MLH3: variants seen among roughly 807,000 people sequenced by gnomAD.
MLH3 encodes mutL homolog 3.
MLH3 carries 82 observed loss-of-function variants against 122.2 expected under a neutral mutation model. The observed-to-expected ratio is 0.67, with a 90% confidence interval of 0.56 to 0.81. The LOEUF is 0.81. Ranked by LOEUF, MLH3 falls within the 30% of genes least tolerant of loss-of-function variation. MLH3 has a pLI of 0.00. For synonymous variants in MLH3, 524 were observed against 599.5 expected (o/e 0.87, Z 1.84); for missense variants, 1,539 against 1,714.5 (o/e 0.90, Z 1.81).
Position 75,046,976 on chromosome 14 carries a change from T to A in MLH3, c.2680A>T (p.Ser894Cys), listed in dbSNP as rs141067131. The change falls in exon 2 of 13, where the codon AGT becomes TGT. Residue 894 changes from serine to cysteine, a missense_variant. Transcript: ENST00000355774. Reference sequence around the variant, plus strand: ...GAATTTGGAAGTTCATTAAAACGACTCATCATCCCCATTGTTTGAGTTTCT... The same window carrying A: ...GAATTTGGAAGTTCATTAAAACGACACATCATCCCCATTGTTTGAGTTTCT... ...ERETQTMGMM[S>C]RFNELPNSDS... The A allele has an allele frequency of 1.9e-6, 3 of 1,614,082 alleles. No homozygotes were observed. The highest frequency in any genetic ancestry group is 2.5e-6 in the Non-Finnish European group (3 of 1,180,038).
chr14:75,036,447 G>C (rs1891417780), intron 6 of MLH3: 19 of 325,890 alleles, frequency 5.8e-5, no homozygotes, highest in South Asian at 4.5e-4. Flanking sequence ...CCGGGTTAAA[G>C]CAATTCTCTG....
chr14:75,034,862 A>C (rs2139424716), intron 6 of MLH3, among the ~76,000 whole-genome samples: 1 of 151,960 alleles, frequency 6.6e-6, no homozygotes, highest in Non-Finnish European at 1.5e-5. Context: ...TCAGGAATTC[A>C]AGATCAGCTG....
At chr14:75,018,290 A>C (rs1196534836) in intron 12 of MLH3, among the ~76,000 whole-genome samples, 1 of 152,164 alleles carries the variant, frequency 6.6e-6, no homozygotes, top group African/African-American at 2.4e-5. Flanking sequence ...CATTATCCAC[A>C]TTGTAGTTTG....
chr14:75,026,694 G>C (rs1216319051), intron 9 of MLH3, among the ~76,000 whole-genome samples: 1 of 152,190 alleles, frequency 6.6e-6, no homozygotes, highest in Non-Finnish European at 1.5e-5. Context: ...ATACATCATA[G>C]GGAAATTGCA....
chr14:75,049,186 A>G lies in MLH3; in HGVS notation c.470T>C (p.Val157Ala), dbSNP rs1892490042. ...TCTAGGGTCCATGCATTTCCTCCTT[A>G]CAGGAAGCTGGTAAAATAGGTTATA... ...TVYNLFYQLP[V>A]RRKCMDPRLE... Residue 157 changes from valine (V) to alanine (A), a missense_variant, in exon 2 of 13, where the codon GTA (valine) becomes GCA (alanine). Physicochemically the swap from Val to Ala is moderately conservative, Grantham distance 64. Coordinates refer to ENST00000355774, the MANE Select transcript of MLH3 (RefSeq NM_001040108.2). 1.2e-6 allele frequency: 2 copies of G among 1,614,198 alleles called. No individual in the cohort carries two copies. The highest frequency in any genetic ancestry group is 3.3e-4 in the Middle Eastern group (2 of 6,062).
Position 75,048,615 on chromosome 14 carries a change from A to G in MLH3, c.1041T>C (p.Phe347=), listed in dbSNP as rs900233021. The G allele has an allele frequency of 1.2e-6, 2 of 1,614,060 alleles. No individual in the cohort carries two copies. The highest frequency in any genetic ancestry group is 4.5e-5 in the East Asian group (2 of 44,890). The change falls in exon 2 of 13, where the codon TTT becomes TTC. Residue 347 remains phenylalanine (F), a synonymous_variant. Transcript: ENST00000355774. The part of the protein sequence containing the change: ...LFCIQEGVKM[F]LKQEKLFVEL... ...CCACAAATAATTTTTCTTGCTTTAAAAACATTTTCACTCCTTCCTGAATGC... is the reference window on the plus strand; with the variant it reads ...CCACAAATAATTTTTCTTGCTTTAAGAACATTTTCACTCCTTCCTGAATGC...
At chr14:75,041,574 G>T in intron 4 of MLH3, 41 bp downstream of exon 4, 3 of 1,459,032 alleles carry the variant, frequency 2.1e-6, no homozygotes, top group South Asian at 1.1e-5. Context: ...AGAAGAAGAA[G>T]AAGAAAAAAA....
At chr14:75,034,044 T>G (rs1315771599) in intron 6 of MLH3, among the ~76,000 whole-genome samples, 1 of 151,860 alleles carries the variant, frequency 6.6e-6, no homozygotes, top group Admixed American at 6.6e-5. Flanking sequence ...AATACAAAAA[T>G]TAGCTGGGTG....
rs148409389 is a variant in MLH3 at position 75,049,507 on chromosome 14, A to C, written c.149T>G (p.Phe50Cys). The C allele has an allele frequency of 1.2e-5, 20 of 1,614,056 alleles. No homozygotes were observed. The highest frequency in any genetic ancestry group is 2.5e-6 in the Non-Finnish European group (3 of 1,180,026). The change falls in exon 2 of 13, where the codon TTC (phenylalanine) becomes TGC (cysteine). Residue 50 changes from phenylalanine to cysteine, a missense_variant. Phe to Cys is a radical substitution (Grantham distance 205, BLOSUM62 -2). Transcript: ENST00000355774. ...TCCATTGTCTATCACTTGAACTTGG[A>C]AGGTTTCCATATTCACCCTGACAGC... is the stretch of plus-strand genomic sequence containing the variant. ...CVAVRVNMET[F>C]QVQVIDNGFG...
At chr14:75,033,352 A>G (rs1461941551) in intron 7 of MLH3, 67 bp downstream of exon 7, 7 of 1,244,648 alleles carry the variant, frequency 5.6e-6, no homozygotes, top group Non-Finnish European at 8.3e-6. Flanking sequence ...CAGTTAGAAA[A>G]GCTCTTTGAG....
At position 75,046,373 on chromosome 14, in the gene MLH3, T is replaced by C; in HGVS notation, c.3280+3A>G. The C allele has an allele frequency of 6.2e-7, 1 of 1,614,156 alleles. No homozygotes were observed. Among genetic ancestry groups the C allele is most frequent in the Non-Finnish European group, 8.5e-7 (1 of 1,179,988 alleles). ...CTCATGCACATGAATACTACGTACT[T>C]ACCATTCTCAAGTACAACATCCACA... On this transcript the variant is annotated splice_donor_region_variant and intron_variant, in intron 2 of 12. Coordinates refer to ENST00000355774, the MANE Select transcript of MLH3 (RefSeq NM_001040108.2).
In MLH3 at chr14:75,014,871, C is replaced by G. The variant is rs1309023073; in HGVS notation, c.*2211G>C. The stretch of plus-strand genomic sequence containing the variant: ...CTGTGCAGTTTGAAGTCACTCAGAC[C>G]TGGGTCTGAATTCTGGCTCTTACAG... On this transcript the variant is annotated 3_prime_UTR_variant, in exon 13 of 13. Coordinates refer to ENST00000355774, the MANE Select transcript of MLH3 (RefSeq NM_001040108.2). 1 of 180,240 alleles carries G rather than the reference C, an allele frequency of 5.5e-6. No homozygotes were observed. The highest frequency in any genetic ancestry group is 2.4e-5 in the African/African-American group (1 of 42,380). 11.2% of individuals were successfully genotyped at this position (180,240 alleles called of 1,614,324 possible). A position where few individuals can be genotyped will look rare whatever the true frequency, so the allele number is the denominator to read the frequency against.
At position 75,047,825 on chromosome 14, in the gene MLH3, G is replaced by A. The variant is rs756485038; in HGVS notation, c.1831C>T (p.His611Tyr). ...TTAGTTTTTTCATTTTGTACTACAT[G>A]AGTTATAAAGCCAGTGGAACATAAT... Reference protein sequence around the residue: ...VKLCSTGFITHVVQNEKTKST... With the variant: ...VKLCSTGFITYVVQNEKTKST... Residue 611 changes from histidine (H) to tyrosine (Y), a missense_variant, in exon 2 of 13, where the codon CAT becomes TAT. Transcript: ENST00000355774. The A allele has an allele frequency of 1.2e-6, 2 of 1,613,614 alleles. No homozygotes were observed. Among genetic ancestry groups the A allele is most frequent in the Non-Finnish European group, 1.7e-6 (2 of 1,179,884 alleles).
chr14:75,042,787 T>TG (rs1160758409), intron 2 of MLH3, among the ~76,000 whole-genome samples: 2 of 152,072 alleles, frequency 1.3e-5, no homozygotes, highest in Admixed American at 1.3e-4. Context: ...CCCTTTTTTT[T>TG]TTTTTTGAGA....
Position 75,016,994 on chromosome 14 carries a change from G to A in MLH3, c.*88C>T. ...AGGGACACTGGGCTGATTCAGTCAG[G>A]GCCGTGCTGGTACCTGCTGCTGCTG... On this transcript the variant is annotated 3_prime_UTR_variant, in exon 13 of 13. Transcript: ENST00000355774. 1 of 1,517,098 alleles carries A rather than the reference G, an allele frequency of 6.6e-7. No homozygotes were observed. Among genetic ancestry groups the A allele is most frequent in the South Asian group, 1.1e-5 (1 of 88,534 alleles). The allele number at this position is 1,517,098 out of a possible 1,614,324, so 94.0% of individuals were successfully genotyped here.
intron 6 of MLH3, among the ~76,000 whole-genome samples, chr14:75,035,064 A>G (rs4480730): frequency 2.6e-3 from 377 of 143,796 alleles, no homozygotes; most frequent in African/African-American, 9.9e-3. Flanking sequence ...CTCCATCTCA[A>G]AAAAAAAAAA....
intron 11 of MLH3, among the ~76,000 whole-genome samples, chr14:75,019,342 G>A (rs553568822): frequency 6.9e-6 from 1 of 145,286 alleles, no homozygotes; most frequent in South Asian, 2.3e-4. Flanking sequence ...CCCAGGAGGC[G>A]GGGGTTGCAG....
intron 9 of MLH3, among the ~76,000 whole-genome samples, chr14:75,028,296 G>A (rs1184760406): frequency 6.6e-6 from 1 of 152,042 alleles, no homozygotes; most frequent in Non-Finnish European, 1.5e-5. Flanking sequence ...GCTGCCTATA[G>A]GATAAAATGC....
At position 75,048,442 on chromosome 14, in the gene MLH3, T is replaced by C. The variant is rs1892421995; in HGVS notation, c.1214A>G (p.Asn405Ser). The change falls in exon 2 of 13, where the codon AAT becomes AGT. Residue 405 changes from asparagine to serine, a missense_variant. Transcript: ENST00000355774. The part of the protein sequence containing the change: ...NNILDSYEMF[N>S]LQSKAVKRKT... Reference sequence around the variant, plus strand: ...TCTTTTCACAGCTTTTGACTGCAAATTAAACATCTCATAGGAATCTAAAAT... The same window carrying C: ...TCTTTTCACAGCTTTTGACTGCAAACTAAACATCTCATAGGAATCTAAAAT... 1.9e-6 allele frequency: 3 copies of C among 1,610,932 alleles called. No individual in the cohort carries two copies. The highest frequency in any genetic ancestry group is 1.3e-5 in the African/African-American group (1 of 74,690).
Sources: allele counts gnomAD v4.1 joint callset (sites outside exome capture counted in the v4.1 genomes callset), GRCh38; gene constraint gnomAD v4.1.1; transcripts MANE v1.5; gene names NCBI Gene and HGNC (gene_info 2026-07-23, HGNC 2026-07-21).